The following RCAN2 variants were observed in gnomAD, a reference collection of about 807,000 sequenced individuals.
RCAN2 encodes regulator of calcineurin 2, also known as calcipressin-2.
A neutral mutation model predicts 23.6 loss-of-function variants in RCAN2; 9 were observed. The observed-to-expected ratio is 0.38, with a 90% CI of 0.23 to 0.67. The LOEUF (loss-of-function observed/expected upper bound fraction) is 0.67. Among genes scored for constraint, RCAN2 ranks in the 30% least tolerant of loss-of-function variants. RCAN2 has a pLI of 0.51. For synonymous variants in RCAN2, 109 were observed against 115.7 expected (o/e 0.94, Z 0.37); for missense variants, 273 against 302.3 (o/e 0.90, Z 0.72).
At chr6:46,317,095 A>G (rs1215790337) in intron 2 of RCAN2, among the ~76,000 whole-genome samples, 1 of 152,184 alleles carries the variant, frequency 6.6e-6, no homozygotes, top group Non-Finnish European at 1.5e-5. Context: ...GAGTCAATGG[A>G]AAATGCTTGG....
At chr6:46,384,048 G>C (rs1765678459) in intron 2 of RCAN2, among the ~76,000 whole-genome samples, 1 of 152,170 alleles carries the variant, frequency 6.6e-6, no homozygotes, top group Non-Finnish European at 1.5e-5. Flanking sequence ...AGCCAGGAGG[G>C]ATCCCGCGCA....
At chr6:46,456,445 A>ATCTGCTTCCT (rs1376393104) in intron 2 of RCAN2, among the ~76,000 whole-genome samples, 3 of 152,212 alleles carry the variant, frequency 2.0e-5, no homozygotes, top group Non-Finnish European at 4.4e-5. Flanking sequence ...AGTTTAAGAC[A>ATCTGCTTCCT]TCTGCTTCCT....
At chr6:46,473,716 G>C (rs1033819787) in intron 1 of RCAN2, among the ~76,000 whole-genome samples, 3 of 152,094 alleles carry the variant, frequency 2.0e-5, no homozygotes, top group African/African-American at 7.2e-5. Context: ...GACATATTTT[G>C]ACTGTGGATA....
chr6:46,246,685 T>A (rs1247374645), intron 4 of RCAN2, 63 bp downstream of exon 4: 1 of 1,425,960 alleles, frequency 7.0e-7, no homozygotes. Flanking sequence ...AGGTTGTTAA[T>A]CTCATTTGGC....
chr6:46,239,091 C>T lies in RCAN2; in HGVS notation c.571+7657G>A, dbSNP rs957042406. Among the ~76,000 whole-genome samples the T allele has an allele frequency of 2.0e-5, 3 of 152,224 alleles. No homozygotes were observed. The East Asian group carries it at 5.8e-4, about 29-fold the overall frequency. ...TGGAGGCTAGAAGCCTAGATTCAAA[C>T]TCACATCCTATGTTTCAATCATCAT... is the stretch of plus-strand genomic sequence containing the variant. On this transcript the variant is annotated intron_variant, in intron 4 of 4. Coordinates refer to ENST00000371374, the MANE Select transcript of RCAN2 (RefSeq NM_001251974.2).
intron 4 of RCAN2, among the ~76,000 whole-genome samples, chr6:46,236,361 C>G (rs1207307358): frequency 6.6e-6 from 1 of 152,068 alleles, no homozygotes; most frequent in Non-Finnish European, 1.5e-5. Flanking sequence ...TTTTTTTCCT[C>G]TTTCCTAACC....
chr6:46,279,092 A>G (rs6935692), intron 2 of RCAN2, among the ~76,000 whole-genome samples: 2,899 of 148,912 alleles, frequency 0.019, 105 homozygotes, highest in African/African-American at 0.072. Context: ...TTACCCTTGA[A>G]TAGGTACTAA....
At chr6:46,367,933 T>G (rs991915231) in intron 2 of RCAN2, among the ~76,000 whole-genome samples, 1 of 152,192 alleles carries the variant, frequency 6.6e-6, no homozygotes, top group Non-Finnish European at 1.5e-5. Flanking sequence ...TTCAACTGGC[T>G]CCAACAAACT....
At chr6:46,441,931 G>A (rs138544392) in intron 2 of RCAN2, among the ~76,000 whole-genome samples, 8 of 152,280 alleles carry the variant, frequency 5.3e-5, no homozygotes, top group African/African-American at 1.4e-4. Flanking sequence ...TAATAGAACT[G>A]GCACTCAGCC....
chr6:46,320,208 G>T (rs1259080574), intron 2 of RCAN2, among the ~76,000 whole-genome samples: 3 of 152,112 alleles, frequency 2.0e-5, no homozygotes, highest in African/African-American at 4.8e-5. Flanking sequence ...CCTAGTGCTC[G>T]CAAAAAACTT....
rs1474980054 is a variant in RCAN2 at position 46,431,211 on chromosome 6, A to AG, written c.225+25540_225+25541insC. Among the ~76,000 whole-genome samples, 7 of 152,136 alleles carry AG rather than the reference A, an allele frequency of 4.6e-5. No individual in the cohort carries two copies. In the East Asian group the frequency reaches 1.4e-3, roughly 29 times the overall value. On this transcript the variant is annotated intron_variant, in intron 2 of 4. Transcript: ENST00000371374. ...GGAAGATTTGTATTTTTAAAAAAAA[A>AG]AACTATTTTTTGAGACAAGGTCTTG... is the stretch of plus-strand genomic sequence containing the variant.
At chr6:46,460,845 C>A (rs1768183794) in intron 1 of RCAN2, among the ~76,000 whole-genome samples, 1 of 152,148 alleles carries the variant, frequency 6.6e-6, no homozygotes, top group East Asian at 1.9e-4. Flanking sequence ...AAAATGTATA[C>A]ACTAATGATA....
chr6:46,275,138 GC>G (rs1469919247), intron 2 of RCAN2, among the ~76,000 whole-genome samples: 1 of 151,374 alleles, frequency 6.6e-6, no homozygotes, highest in Admixed American at 6.6e-5. Context: ...TGTTGCCCAG[GC>G]TGGAGTACAG....
chr6:46,485,494 T>C (rs187475885), intron 1 of RCAN2, among the ~76,000 whole-genome samples: 26 of 152,314 alleles, frequency 1.7e-4, no homozygotes, highest in African/African-American at 6.3e-4. Flanking sequence ...AAAGTTTTTC[T>C]AGAAAGCACA....
chr6:46,421,016 C>A (rs1466654826), intron 2 of RCAN2, among the ~76,000 whole-genome samples: 3 of 152,168 alleles, frequency 2.0e-5, no homozygotes, highest in Non-Finnish European at 4.4e-5. Flanking sequence ...CTACTGAATT[C>A]TAAATTTAGA....
At chr6:46,464,528 T>C (rs1447439825) in intron 1 of RCAN2, among the ~76,000 whole-genome samples, 3 of 152,072 alleles carry the variant, frequency 2.0e-5, no homozygotes, top group Non-Finnish European at 2.9e-5. Context: ...GAGATTGAAG[T>C]ATAATATTAG....
chr6:46,334,292 C>A (rs778328387), intron 2 of RCAN2, among the ~76,000 whole-genome samples: 1 of 152,220 alleles, frequency 6.6e-6, no homozygotes, highest in African/African-American at 2.4e-5. Flanking sequence ...CCTTGAGAAG[C>A]GGGCTCCTCT....
Position 46,396,620 on chromosome 6 carries a change from C to G in RCAN2, c.225+60132G>C, listed in dbSNP as rs144832469. 1.6e-3 allele frequency among the ~76,000 whole-genome samples: 251 copies of G among 152,220 alleles called. 1 individual carries two copies. Among genetic ancestry groups the G allele is most frequent in the African/African-American group, 5.8e-3 (239 of 41,518 alleles). On this transcript the variant is annotated intron_variant, in intron 2 of 4. Coordinates refer to ENST00000371374, the MANE Select transcript of RCAN2 (RefSeq NM_001251974.2). ...GCACGGCTGTACTGGTAATTTGCAG[C>G]TGGTGTCTATTCTGATTGGTTAGTA...
At chr6:46,463,364 A>G (rs10498768) in intron 1 of RCAN2, among the ~76,000 whole-genome samples, 4,586 of 152,330 alleles carry the variant, frequency 0.03, 127 homozygotes, top group South Asian at 0.12. Context: ...GTTTAATTTC[A>G]TATAAGGAGC....
Sources: gnomAD v4.1 joint callset for allele counts (sites outside exome capture counted in the v4.1 genomes callset) on GRCh38, gnomAD v4.1.1 for gene constraint, MANE v1.5 for transcripts, NCBI Gene and HGNC (gene_info 2026-07-23, HGNC 2026-07-21) for gene names.